GPC6: variants seen among roughly 807,000 people sequenced by gnomAD.
The protein encoded by GPC6 is glypican 6, also known as glypican-6.
Under a neutral mutation model 55.2 loss-of-function variants are expected in GPC6, and 14 were observed. The ratio of observed to expected loss-of-function variants is 0.25; its 90% CI spans 0.17 to 0.40. The LOEUF is 0.40. Ranked by LOEUF, GPC6 falls within the 10% of genes least tolerant of loss-of-function variation. The probability of loss-of-function intolerance (pLI) is 1.00; values close to 1 mark genes in which losing one functional copy is unlikely to be tolerated. For missense variants in GPC6, 641 were observed against 708.5 expected (o/e 0.90, Z 1.08); for synonymous variants, 278 against 259.6 (o/e 1.07, Z -0.68).
intron 1 of GPC6, among the ~76,000 whole-genome samples, chr13:93,281,537 G>C (rs1193284085): frequency 6.6e-6 from 1 of 152,108 alleles, no homozygotes; most frequent in Non-Finnish European, 1.5e-5. Flanking sequence ...AGAATGGCTG[G>C]GCGCAGTGGC....
intron 1 of GPC6, among the ~76,000 whole-genome samples, chr13:93,296,611 C>T (rs1878503018): frequency 6.6e-6 from 1 of 152,110 alleles, no homozygotes; most frequent in Non-Finnish European, 1.5e-5. Context: ...TTCCCTACTA[C>T]AGTGGCTGGC....
At chr13:94,352,951 A>G (rs1878623411) in intron 6 of GPC6, among the ~76,000 whole-genome samples, 1 of 152,200 alleles carries the variant, frequency 6.6e-6, no homozygotes, top group Non-Finnish European at 1.5e-5. Context: ...GGAGAACTGT[A>G]TGTCCTTTAG....
At chr13:93,396,892 T>G (rs528283873) in intron 1 of GPC6, among the ~76,000 whole-genome samples, 1 of 152,276 alleles carries the variant, frequency 6.6e-6, no homozygotes, top group Non-Finnish European at 1.5e-5. Flanking sequence ...CTTTTAAAAA[T>G]TTCACAACCT....
intron 2 of GPC6, among the ~76,000 whole-genome samples, chr13:93,814,647 A>G (rs564534121): frequency 1.3e-5 from 2 of 152,336 alleles, no homozygotes; most frequent in South Asian, 2.1e-4. Flanking sequence ...GGAAAGATAC[A>G]AAAACTACTT....
intron 3 of GPC6, among the ~76,000 whole-genome samples, chr13:94,016,048 A>G (rs1449098241): frequency 2.0e-5 from 3 of 152,156 alleles, no homozygotes; most frequent in Non-Finnish European, 4.4e-5. Flanking sequence ...CATTTTCTTC[A>G]TCCCCTATCC....
intron 1 of GPC6, among the ~76,000 whole-genome samples, chr13:93,424,975 A>G (rs9561347): frequency 0.15 from 23,248 of 152,114 alleles, 2,381 homozygotes; most frequent in East Asian, 0.48. Context: ...TACCCCCAAC[A>G]CACAGACCAC....
chr13:93,770,787 T>A (rs1459691056), intron 2 of GPC6, among the ~76,000 whole-genome samples: 1 of 152,170 alleles, frequency 6.6e-6, no homozygotes, highest in Admixed American at 6.6e-5. Context: ...AAGGCTAATA[T>A]TAGACCAAGA....
At position 94,085,278 on chromosome 13, in the gene GPC6, C is replaced by A. The variant is rs140875149; in HGVS notation, c.877+57384C>A. Among the ~76,000 whole-genome samples the A allele has an allele frequency of 4.0e-3, 529 of 131,412 alleles. 4 individuals carry two copies. The highest frequency in any genetic ancestry group is 0.014 in the African/African-American group (490 of 34,674). The allele number at this position is 131,412 out of a possible 152,430, so 86.2% of individuals were successfully genotyped here. A position where few individuals can be genotyped will look rare whatever the true frequency, so the allele number is the denominator to read the frequency against. On this transcript the variant is annotated intron_variant, in intron 4 of 8. Transcript: ENST00000377047. ...CGGAGGTTGCAGTGAGCCGAGATCACGCCACTGCACTCCAGCCTGGGTGAC... is the reference window on the plus strand; with the variant it reads ...CGGAGGTTGCAGTGAGCCGAGATCAAGCCACTGCACTCCAGCCTGGGTGAC...
At chr13:93,359,519 A>T (rs1880973153) in intron 1 of GPC6, among the ~76,000 whole-genome samples, 2 of 152,326 alleles carry the variant, frequency 1.3e-5, no homozygotes, top group South Asian at 4.1e-4. Flanking sequence ...TGTTTATAAT[A>T]AATATACATA....
intron 5 of GPC6, among the ~76,000 whole-genome samples, chr13:94,291,823 G>A (rs58560400): frequency 0.023 from 3,475 of 151,898 alleles, 149 homozygotes; most frequent in East Asian, 0.18. Flanking sequence ...TAACTTCTGA[G>A]AGGCAAGCTC....
At chr13:93,507,959 A>G (rs1880801701) in intron 1 of GPC6, among the ~76,000 whole-genome samples, 1 of 152,190 alleles carries the variant, frequency 6.6e-6, no homozygotes, top group Non-Finnish European at 1.5e-5. Flanking sequence ...TCTAATATTT[A>G]TTTATTCAAC....
At chr13:93,964,482 A>G (rs1879929104) in intron 3 of GPC6, among the ~76,000 whole-genome samples, 1 of 152,216 alleles carries the variant, frequency 6.6e-6, no homozygotes, top group African/African-American at 2.4e-5. Context: ...GTAGCCCAGC[A>G]CAAAACCCTT....
At chr13:94,012,184 A>G (rs540961842) in intron 3 of GPC6, among the ~76,000 whole-genome samples, 4 of 152,192 alleles carry the variant, frequency 2.6e-5, no homozygotes, top group Non-Finnish European at 5.9e-5. Context: ...ATGACAGTTC[A>G]TGGCTTAATT....
intron 6 of GPC6, among the ~76,000 whole-genome samples, chr13:94,314,472 G>A (rs536153317): frequency 1.1e-4 from 16 of 152,132 alleles, no homozygotes; most frequent in Non-Finnish European, 2.2e-4. Flanking sequence ...GTCCATCTGC[G>A]CACTCGTTTC....
intron 1 of GPC6, among the ~76,000 whole-genome samples, chr13:93,311,532 T>G (rs111389631): frequency 0.022 from 3,339 of 152,174 alleles, 129 homozygotes; most frequent in African/African-American, 0.076. Flanking sequence ...CCCATAATAG[T>G]GTTGACTTAT....
Position 94,272,758 on chromosome 13 carries a change from A to G in GPC6, c.878-13591A>G, listed in dbSNP as rs35356251. 5.9e-3 allele frequency among the ~76,000 whole-genome samples: 900 copies of G among 152,058 alleles called. 4 individuals carry two copies. Among genetic ancestry groups the G allele is most frequent in the Non-Finnish European group, 9.8e-3 (665 of 67,952 alleles). ...GCTGGGATTACAGGCATGAGACACCACGCCTGGCCCTGGTCCTGTTTCTTG... is the reference window on the plus strand; with the variant it reads ...GCTGGGATTACAGGCATGAGACACCGCGCCTGGCCCTGGTCCTGTTTCTTG... On this transcript the variant is annotated intron_variant, in intron 4 of 8. Transcript: ENST00000377047.
chr13:93,663,100 A>G (rs1169725656), intron 2 of GPC6, among the ~76,000 whole-genome samples: 1 of 151,044 alleles, frequency 6.6e-6, no homozygotes, highest in African/African-American at 2.4e-5. Context: ...GGTTGCAAAA[A>G]AAAAAAAAAA....
upstream of GPC6, among the ~76,000 whole-genome samples, chr13:93,226,068 G>A (rs1293208927): frequency 6.6e-6 from 1 of 152,106 alleles, no homozygotes; most frequent in Non-Finnish European, 1.5e-5. Context: ...ATGGAGACAG[G>A]AAGAAGAAAT....
chr13:94,055,883 C>G (rs1313417769), intron 4 of GPC6, among the ~76,000 whole-genome samples: 2 of 152,100 alleles, frequency 1.3e-5, no homozygotes, highest in African/African-American at 4.8e-5. Flanking sequence ...GTTTTGAAAC[C>G]CACTGATGAG....
Sources: allele counts gnomAD v4.1 joint callset (sites outside exome capture counted in the v4.1 genomes callset), GRCh38; gene constraint gnomAD v4.1.1; transcripts MANE v1.5; gene names NCBI Gene and HGNC (gene_info 2026-07-23, HGNC 2026-07-21).